MANBA: variants seen among roughly 807,000 people sequenced by gnomAD.
MANBA encodes the protein beta-mannosidase.
In MANBA, 83 loss-of-function variants were observed where a neutral mutation model predicts 111.1. The ratio of observed to expected loss-of-function variants is 0.75; its 90% CI spans 0.63 to 0.90. The LOEUF is 0.90. MANBA is among the 40% of genes least tolerant of loss of function. MANBA has a pLI of 0.00. For synonymous variants in MANBA, 370 were observed against 378.7 expected, an observed-to-expected ratio of 0.98 and a Z score of 0.27; for missense variants, 1,036 against 1,069.0, an observed-to-expected ratio of 0.97 and a Z score of 0.43.
intron 12 of MANBA, among the ~76,000 whole-genome samples, chr4:102,652,761 G>A (rs59092216): frequency 0.032 from 4,831 of 152,168 alleles, 260 homozygotes; most frequent in African/African-American, 0.11. Flanking sequence ...CTGGTGTGGT[G>A]GCACATGCCT....
At chr4:102,697,459 AAC>A (rs1732773253) in intron 5 of MANBA, among the ~76,000 whole-genome samples, 1 of 150,918 alleles carries the variant, frequency 6.6e-6, no homozygotes, top group Non-Finnish European at 1.5e-5. Flanking sequence ...GCACCCACTA[AAC>A]TTGTCATCTA....
intron 13 of MANBA, among the ~76,000 whole-genome samples, chr4:102,648,126 A>G (rs228619): frequency 0.52 from 78,403 of 151,954 alleles, 20,431 homozygotes; most frequent in African/African-American, 0.56. Flanking sequence ...TAAAATAGGC[A>G]AATGAAAAAA....
At chr4:102,746,086 T>A (rs1319486160) in intron 1 of MANBA, among the ~76,000 whole-genome samples, 1 of 152,208 alleles carries the variant, frequency 6.6e-6, no homozygotes, top group Non-Finnish European at 1.5e-5. Flanking sequence ...GAAAGGCTGA[T>A]GGCAGCATGT....
intron 16 of MANBA, 47 bp from the exon 17 acceptor site, chr4:102,632,328 G>A: frequency 7.5e-7 from 1 of 1,337,332 alleles, no homozygotes; most frequent in Non-Finnish European, 1.1e-6. Context: ...TGAGGGAAGA[G>A]TTATATAGTC....
At chr4:102,632,346 A>G (rs118026118) in intron 16 of MANBA, 65 bp from the exon 17 acceptor site, 1 of 1,277,154 alleles carries the variant, frequency 7.8e-7, no homozygotes, top group African/African-American at 1.5e-5. Flanking sequence ...GTCTGTATAC[A>G]GTTCCTGTAA....
At chr4:102,666,323 G>A (rs1215906151) in intron 10 of MANBA, 1 of 152,214 alleles carries the variant, frequency 6.6e-6, no homozygotes, top group Non-Finnish European at 1.5e-5. Flanking sequence ...TGCAACCTGT[G>A]TAACTACAAT....
At chr4:102,694,274 A>G (rs1427161452) in intron 5 of MANBA, among the ~76,000 whole-genome samples, 1 of 152,210 alleles carries the variant, frequency 6.6e-6, no homozygotes, top group Admixed American at 6.6e-5. Context: ...ATCACCAGAT[A>G]TACTTAATAA....
At chr4:102,672,012 T>C in intron 8 of MANBA, 1 of 399,066 alleles carries the variant, frequency 2.5e-6, no homozygotes, top group Non-Finnish European at 4.4e-6. Flanking sequence ...GGCTTACCAA[T>C]TGGCCCAGTT....
intron 7 of MANBA, among the ~76,000 whole-genome samples, chr4:102,677,493 A>G (rs1731778138): frequency 6.6e-6 from 1 of 152,226 alleles, no homozygotes; most frequent in African/African-American, 2.4e-5. Flanking sequence ...ATTATATTAC[A>G]ATATCACATA....
intron 5 of MANBA, among the ~76,000 whole-genome samples, chr4:102,710,772 T>G (rs1484477268): frequency 6.6e-6 from 1 of 151,958 alleles, no homozygotes; most frequent in Middle Eastern, 3.4e-3. Flanking sequence ...AGGAACAGAG[T>G]GTAAACCCCA....
At chr4:102,662,659 CT>C in intron 11 of MANBA, 1 of 158,706 alleles carries the variant, frequency 6.3e-6, no homozygotes, top group Non-Finnish European at 1.4e-5. Flanking sequence ...TTCTCTAGGC[CT>C]TTTAGAAAAT....
At chr4:102,727,735 GC>G (rs1722865397) in intron 1 of MANBA, 1 of 840,894 alleles carries the variant, frequency 1.2e-6, no homozygotes, top group South Asian at 1.4e-5. Context: ...GTGCCTTCTG[GC>G]ATAGTAGTGT....
intron 1 of MANBA, 25 bp from the exon 2 acceptor site, chr4:102,726,708 G>A (rs1394791393): frequency 1.9e-6 from 2 of 1,049,826 alleles, no homozygotes; most frequent in Admixed American, 1.7e-5. Flanking sequence ...TAAAAATTAT[G>A]GTAGATGGTT....
At chr4:102,723,825 A>C (rs1722678265) in intron 3 of MANBA, 37 bp downstream of exon 3, 1 of 1,198,924 alleles carries the variant, frequency 8.3e-7, no homozygotes, top group Non-Finnish European at 1.2e-6. Context: ...ATAAACACAC[A>C]TAAATTTTTT....
chr4:102,723,792 C>T (rs1432154745), intron 3 of MANBA, 70 bp downstream of exon 3: 2 of 839,646 alleles, frequency 2.4e-6, no homozygotes, highest in African/African-American at 3.4e-5. Flanking sequence ...ATTTACTTTT[C>T]TCTACTCACA....
intron 8 of MANBA, among the ~76,000 whole-genome samples, chr4:102,673,233 C>T (rs137889112): frequency 3.3e-5 from 5 of 152,196 alleles, no homozygotes; most frequent in African/African-American, 1.2e-4. Flanking sequence ...TGGGGTTGGC[C>T]CGGTGGCTTA....
At chr4:102,711,122 T>C (rs891897292) in intron 5 of MANBA, among the ~76,000 whole-genome samples, 8 of 152,066 alleles carry the variant, frequency 5.3e-5, no homozygotes, top group African/African-American at 1.9e-4. Flanking sequence ...CAAATAGTAC[T>C]ATATTAAACT....
intron 5 of MANBA, among the ~76,000 whole-genome samples, chr4:102,712,680 G>A (rs59536591): frequency 0.032 from 4,787 of 151,932 alleles, 256 homozygotes; most frequent in African/African-American, 0.11. Context: ...CACCAGGCCT[G>A]GCTAATTTTT....
At chr4:102,684,456 C>A (rs945708247) in intron 7 of MANBA, among the ~76,000 whole-genome samples, 1 of 152,180 alleles carries the variant, frequency 6.6e-6, no homozygotes, top group Non-Finnish European at 1.5e-5. Flanking sequence ...CCACTCCCAG[C>A]AGACATGCCG....
Sources: gnomAD v4.1 joint callset for allele counts (sites outside exome capture counted in the v4.1 genomes callset) on GRCh38, gnomAD v4.1.1 for gene constraint, MANE v1.5 for transcripts, NCBI Gene and HGNC (gene_info 2026-07-23, HGNC 2026-07-21) for gene names.